The following APLF variants were observed in gnomAD, a reference collection of about 807,000 sequenced individuals.
The protein encoded by APLF is aprataxin and PNKP like factor, also known as aprataxin and PNK-like factor.
A neutral mutation model predicts 55.6 loss-of-function variants in APLF; 61 were observed. The ratio of observed to expected loss-of-function variants is 1.10; its 90% CI spans 0.89 to 1.36. APLF has a LOEUF of 1.36. APLF is among the 40% of genes most tolerant of loss of function. The pLI, the probability that APLF is intolerant of heterozygous loss-of-function variation, is 0.00. For missense variants in APLF, 611 were observed against 602.5 expected (o/e 1.01, Z -0.15); for synonymous variants, 207 against 214.8 (o/e 0.96, Z 0.32).
intron 5 of APLF, 102 bp downstream of exon 5, chr2:68,513,782 G>A: frequency 7.4e-7 from 1 of 1,355,588 alleles, no homozygotes; most frequent in Non-Finnish European, 1.0e-6. Flanking sequence ...TAGAGATAGA[G>A]TAGAGGTTGT....
intron 3 of APLF, among the ~76,000 whole-genome samples, chr2:68,506,919 A>G (rs1676887728): frequency 6.6e-6 from 1 of 152,060 alleles, no homozygotes; most frequent in Admixed American, 6.6e-5. Context: ...TAAAACATAC[A>G]TAATTTCTAT....
At position 68,519,057 on chromosome 2, in the gene APLF, A is replaced by T. The variant is rs368849133; in HGVS notation, c.622+5377A>T. 5.9e-3 allele frequency among the ~76,000 whole-genome samples: 665 copies of T among 112,184 alleles called. 2 individuals carry two copies. The highest frequency in any genetic ancestry group is 8.0e-3 in the South Asian group (32 of 4,024). 73.6% of individuals were successfully genotyped at this position (112,184 alleles called of 152,430 possible). On this transcript the variant is annotated intron_variant, in intron 5 of 9. Coordinates refer to ENST00000303795, the MANE Select transcript of APLF (RefSeq NM_173545.3). ...ATTAATATATAATAATATAATATAT[A>T]ATTAATATATAATAATAATATAATA...
At chr2:68,563,018 TGTC>T (rs1217766334) in intron 8 of APLF, 1 of 971,844 alleles carries the variant, frequency 1.0e-6, no homozygotes, top group Non-Finnish European at 1.2e-6. Context: ...TTTTTGAGCC[TGTC>T]ATAGATACTC....
intron 5 of APLF, among the ~76,000 whole-genome samples, chr2:68,519,519 T>C (rs959503626): frequency 1.3e-5 from 2 of 150,006 alleles, no homozygotes; most frequent in African/African-American, 2.4e-5. Flanking sequence ...TTGGTCAAGT[T>C]AAGTCTTTCT....
intron 6 of APLF, among the ~76,000 whole-genome samples, chr2:68,531,651 A>G (rs751050863): frequency 3.3e-5 from 5 of 152,268 alleles, no homozygotes. Context: ...TTTGTTTTGT[A>G]TAAACTTTGA....
At chr2:68,510,915 A>G (rs1677030709) in intron 3 of APLF, among the ~76,000 whole-genome samples, 1 of 151,854 alleles carries the variant, frequency 6.6e-6, no homozygotes, top group East Asian at 1.9e-4. Flanking sequence ...TAAAAAAGCT[A>G]GACACGAAAG....
At chr2:68,559,010 G>T (rs2104048080) in intron 8 of APLF, among the ~76,000 whole-genome samples, 1 of 152,336 alleles carries the variant, frequency 6.6e-6, no homozygotes, top group East Asian at 1.9e-4. Context: ...TGCTACCAGT[G>T]TCTAGTTAAT....
intron 1 of APLF, among the ~76,000 whole-genome samples, chr2:68,481,472 G>GTTAGTCTAATGGGCA (rs1675955838): frequency 6.6e-6 from 1 of 152,150 alleles, no homozygotes; most frequent in African/African-American, 2.4e-5. Context: ...GAAATCTGCT[G>GTTAGTCTAATGGGCA]TTAGTCTAAT....
At chr2:68,525,980 T>C in intron 5 of APLF, 81 bp from the exon 6 acceptor site, 1 of 1,368,530 alleles carries the variant, frequency 7.3e-7, no homozygotes. Context: ...GAATCCTTTT[T>C]CTTTTTTCTT....
intron 5 of APLF, among the ~76,000 whole-genome samples, chr2:68,518,401 A>AATATATT (rs1491150918): frequency 1.0e-5 from 1 of 100,082 alleles, no homozygotes; most frequent in Non-Finnish European, 1.7e-5. Flanking sequence ...AATATATAAC[A>AATATATT]ATATATTATA....
chr2:68,490,738 C>T (rs1676332342), intron 2 of APLF, among the ~76,000 whole-genome samples: 1 of 152,076 alleles, frequency 6.6e-6, no homozygotes, highest in South Asian at 2.1e-4. Context: ...GTTGAGGGCT[C>T]GAATTTTAAT....
At chr2:68,491,213 A>G (rs950589206) in intron 2 of APLF, among the ~76,000 whole-genome samples, 3 of 152,178 alleles carry the variant, frequency 2.0e-5, no homozygotes, top group Non-Finnish European at 4.4e-5. Flanking sequence ...GTCTTGAAAA[A>G]GTGTTAATAT....
At chr2:68,508,859 G>A (rs1002456853) in intron 3 of APLF, among the ~76,000 whole-genome samples, 1 of 152,052 alleles carries the variant, frequency 6.6e-6, no homozygotes, top group South Asian at 2.1e-4. Flanking sequence ...CATGGTACTG[G>A]TACCAAAACA....
chr2:68,525,422 A>T (rs1459291135), intron 5 of APLF, among the ~76,000 whole-genome samples: 1 of 152,214 alleles, frequency 6.6e-6, no homozygotes, highest in Non-Finnish European at 1.5e-5. Context: ...ATTCAATTCT[A>T]CAATTAAAAA....
intron 5 of APLF, among the ~76,000 whole-genome samples, chr2:68,517,014 TATA>T (rs1469149125): frequency 9.7e-5 from 12 of 123,286 alleles, no homozygotes; most frequent in South Asian, 2.3e-4. Context: ...ATATATAATA[TATA>T]ATAATATATT....
intron 2 of APLF, among the ~76,000 whole-genome samples, chr2:68,499,264 CAAT>C (rs1169689827): frequency 6.6e-6 from 1 of 152,172 alleles, no homozygotes; most frequent in Non-Finnish European, 1.5e-5. Context: ...CATACACCAA[CAAT>C]GTCTCTCATG....
chr2:68,544,829 C>T (rs930640443), intron 7 of APLF, among the ~76,000 whole-genome samples: 2 of 151,970 alleles, frequency 1.3e-5, no homozygotes, highest in African/African-American at 4.8e-5. Context: ...AATATATGTG[C>T]TCATTTTATT....
At chr2:68,518,951 T>C (rs1426615230) in intron 5 of APLF, among the ~76,000 whole-genome samples, 3 of 123,022 alleles carry the variant, frequency 2.4e-5, no homozygotes, top group African/African-American at 3.3e-5. Context: ...TATATAATAT[T>C]ATTAATAATA....
At position 68,579,556 on chromosome 2, in the gene APLF, A is replaced by G. The variant is rs1671717589; in HGVS notation, c.*1534A>G. The G allele has an allele frequency of 1.2e-5, 3 of 243,744 alleles. No homozygotes were observed. The highest frequency in any genetic ancestry group is 1.8e-5 in the Non-Finnish European group (3 of 167,862). The allele number at this position is 243,744 out of a possible 1,614,324, so 15.1% of individuals were successfully genotyped here. ...AACACCCAAAGTCTATCAACTATCAACTGGGTGAATGGATAAGCAAAACGT... is the reference window on the plus strand; with the variant it reads ...AACACCCAAAGTCTATCAACTATCAGCTGGGTGAATGGATAAGCAAAACGT... On this transcript the variant is annotated 3_prime_UTR_variant, in exon 10 of 10. Transcript: ENST00000303795.
Sources: allele counts gnomAD v4.1 joint callset (sites outside exome capture counted in the v4.1 genomes callset), GRCh38; gene constraint gnomAD v4.1.1; transcripts MANE v1.5; gene names NCBI Gene and HGNC (gene_info 2026-07-23, HGNC 2026-07-21).